JPT1: variants seen among roughly 807,000 people sequenced by gnomAD.
JPT1 encodes the protein androgen-regulated protein 2.
A neutral mutation model predicts 17.0 loss-of-function variants in JPT1; 5 were observed. The ratio of observed to expected loss-of-function variants is 0.29; its 90% confidence interval spans 0.15 to 0.62. The LOEUF (loss-of-function observed/expected upper bound fraction) is 0.62. JPT1 is among the 20% of genes least tolerant of loss of function. The pLI, the probability that JPT1 is intolerant of heterozygous loss-of-function variation, is 0.85. For missense variants in JPT1, 158 were observed against 188.1 expected (o/e 0.84, Z 0.94); for synonymous variants, 71 against 73.6 (o/e 0.96, Z 0.18).
At chr17:75,145,283 G>A (rs2074404516) in intron 4 of JPT1, 1 of 151,984 alleles carries the variant, frequency 6.6e-6, no homozygotes, top group Non-Finnish European at 1.5e-5. Flanking sequence ...CAAAACATAA[G>A]GGTAGGAAAA....
At chr17:75,136,924 T>C (rs1156347841) in intron 4 of JPT1, among the ~76,000 whole-genome samples, 1 of 152,246 alleles carries the variant, frequency 6.6e-6, no homozygotes, top group African/African-American at 2.4e-5. Context: ...TCCACTTGTT[T>C]TATGTATATT....
intron 1 of JPT1, among the ~76,000 whole-genome samples, chr17:75,150,110 A>G (rs1459928747): frequency 1.3e-5 from 2 of 152,132 alleles, no homozygotes; most frequent in Admixed American, 6.6e-5. Context: ...TCTGTTCAAC[A>G]TGGTAATATA....
intron 2 of JPT1, chr17:75,148,054 C>T (rs933266320): frequency 4.5e-6 from 1 of 224,254 alleles, no homozygotes; most frequent in Admixed American, 5.1e-5. Context: ...GTGTTAGTCT[C>T]ACATTATGAA....
intron 1 of JPT1, chr17:75,149,187 T>C (rs1293062054): frequency 4.2e-6 from 2 of 470,956 alleles, no homozygotes; most frequent in Admixed American, 2.8e-5. Flanking sequence ...CCCGTGTCTC[T>C]ATAAAAAAAA....
At chr17:75,141,952 C>T (rs2074319153) in intron 4 of JPT1, among the ~76,000 whole-genome samples, 1 of 151,816 alleles carries the variant, frequency 6.6e-6, no homozygotes, top group Non-Finnish European at 1.5e-5. Flanking sequence ...ACCTGTAGTC[C>T]CAGATACTCA....
intron 3 of JPT1, 146 bp from the exon 4 acceptor site, chr17:75,146,830 C>A: frequency 1.6e-6 from 1 of 627,908 alleles, no homozygotes; most frequent in South Asian, 1.9e-5. Context: ...CAGTCTGCTA[C>A]CTCTATCCAA....
intron 4 of JPT1, among the ~76,000 whole-genome samples, chr17:75,141,788 G>A (rs1220965578): frequency 4.6e-5 from 7 of 152,054 alleles, no homozygotes; most frequent in Non-Finnish European, 1.0e-4. Flanking sequence ...AATTAGTTGA[G>A]CGAGGCTGGG....
intron 1 of JPT1, among the ~76,000 whole-genome samples, chr17:75,151,663 AAAAT>A (rs1410713807): frequency 1.3e-5 from 2 of 151,904 alleles, no homozygotes; most frequent in South Asian, 2.1e-4. Flanking sequence ...CTGTCTCAAA[AAAAT>A]AAATTAATTA....
At position 75,146,361 on chromosome 17, in the gene JPT1, C is replaced by T. The variant is rs2074434991; in HGVS notation, c.316+305G>A. ...TAGAGACAGGGTTTCACCATGTTTCCAGGCTGGTCTTGAACTCCTGGGCTC... is the reference window on the plus strand; with the variant it reads ...TAGAGACAGGGTTTCACCATGTTTCTAGGCTGGTCTTGAACTCCTGGGCTC... On this transcript the variant is annotated intron_variant, in intron 4 of 4. Transcript: ENST00000409753. 4 of 265,394 alleles carry T rather than the reference C, an allele frequency of 1.5e-5. No individual in the cohort carries two copies. In the South Asian group the frequency reaches 2.4e-4, roughly 16 times the overall value. 16.4% of individuals were successfully genotyped at this position (265,394 alleles called of 1,614,324 possible).
intron 4 of JPT1, among the ~76,000 whole-genome samples, chr17:75,137,647 G>T (rs1005454473): frequency 2.0e-5 from 3 of 147,912 alleles, no homozygotes; most frequent in African/African-American, 7.7e-5. Context: ...GGGATCACAG[G>T]CATGAGCCAC....
intron 3 of JPT1, among the ~76,000 whole-genome samples, chr17:75,147,231 TCTC>T (rs1172816479): frequency 6.6e-6 from 1 of 152,134 alleles, no homozygotes; most frequent in Non-Finnish European, 1.5e-5. Context: ...CCAGCACTAG[TCTC>T]CTGGAGTTCA....
intron 4 of JPT1, chr17:75,145,695 T>C (rs1179449335): frequency 6.6e-6 from 1 of 152,190 alleles, no homozygotes; most frequent in Non-Finnish European, 1.5e-5. Context: ...ATCTTGTTCA[T>C]AGTTACAGAT....
chr17:75,153,696 A>AGGGGAAGAAC (rs1466681288), intron 1 of JPT1: 1 of 152,274 alleles, frequency 6.6e-6, no homozygotes, highest in African/African-American at 2.4e-5. Context: ...CACTTCGAAG[A>AGGGGAAGAAC]GGGGAAGAAC....
In JPT1 at chr17:75,154,415, T is replaced by A. The variant is rs754541342; in HGVS notation, c.-18A>T. 2.1e-5 allele frequency: 32 copies of A among 1,546,752 alleles called. No individual in the cohort carries two copies. In the South Asian group the frequency reaches 3.7e-4, roughly 18 times the overall value. On this transcript the variant is annotated 5_prime_UTR_variant, in exon 1 of 5. Transcript: ENST00000409753. ...GTGGTCATGGCGCCGAGGAGCGAGG[T>A]AGGCTGGCGCCGGAGCAGAACGCTC...
At chr17:75,151,643 C>T (rs1177091528) in intron 1 of JPT1, among the ~76,000 whole-genome samples, 1 of 148,760 alleles carries the variant, frequency 6.7e-6, no homozygotes, top group Admixed American at 6.7e-5. Context: ...AGCCTGGCAA[C>T]ACAGTGAGAC....
At position 75,154,421 on chromosome 17, in the gene JPT1, G is replaced by A. The variant is rs1236129152; in HGVS notation, c.-24C>T. 7.8e-6 allele frequency: 12 copies of A among 1,546,916 alleles called. No homozygotes were observed. The Admixed American group carries it at 7.9e-5, about 10-fold the overall frequency. On this transcript the variant is annotated 5_prime_UTR_variant, in exon 1 of 5. Transcript: ENST00000409753. Reference sequence around the variant, plus strand: ...ATGGCGCCGAGGAGCGAGGTAGGCTGGCGCCGGAGCAGAACGCTCAAAGGG... The same window carrying A: ...ATGGCGCCGAGGAGCGAGGTAGGCTAGCGCCGGAGCAGAACGCTCAAAGGG...
Position 75,135,375 on chromosome 17 carries a change from A to C in JPT1, c.*727T>G, listed in dbSNP as rs2074172514. The C allele has an allele frequency of 6.6e-6, 1 of 152,536 alleles. No individual in the cohort carries two copies. The highest frequency in any genetic ancestry group is 2.4e-5 in the African/African-American group (1 of 41,446). 9.4% of individuals were successfully genotyped at this position (152,536 alleles called of 1,614,324 possible). ...CATGCACACAGCATCAGGTTATTTA[A>C]AACAACACGCCTGTGGGACCCCGTT... is the stretch of plus-strand genomic sequence containing the variant. On this transcript the variant is annotated 3_prime_UTR_variant, in exon 5 of 5. Coordinates refer to ENST00000409753, the MANE Select transcript of JPT1 (RefSeq NM_016185.4).
At position 75,146,648 on chromosome 17, in the gene JPT1, G is replaced by C. The variant is rs1415973406; in HGVS notation, c.316+18C>G. On this transcript the variant is annotated intron_variant, in intron 4 of 4. Coordinates refer to ENST00000409753, the MANE Select transcript of JPT1 (RefSeq NM_016185.4). ...AACCATGGACAGAGCCAGAAATTTG[G>C]TCTTCAGAAGTACTTACCATGAATA... 3 of 1,531,614 alleles carry C rather than the reference G, an allele frequency of 2.0e-6. No homozygotes were observed. Among genetic ancestry groups the C allele is most frequent in the Non-Finnish European group, 2.7e-6 (3 of 1,127,556 alleles). 94.9% of individuals were successfully genotyped at this position (1,531,614 alleles called of 1,614,324 possible).
Position 75,136,267 on chromosome 17 carries a change from TAGAA to T in JPT1, c.317-21_317-18del. On this transcript the variant is annotated intron_variant, in intron 4 of 4. Coordinates refer to ENST00000409753, the MANE Select transcript of JPT1 (RefSeq NM_016185.4). ...CCACATTTTCTATGAAAACAGGGAA[TAGAA>T]ATAATACTCATAATGACAGCCATTT... The T allele has an allele frequency of 1.3e-6, 2 of 1,561,350 alleles. No individual in the cohort carries two copies. Among genetic ancestry groups the T allele is most frequent in the Non-Finnish European group, 1.7e-6 (2 of 1,152,100 alleles).
Sources: allele counts gnomAD v4.1 joint callset (sites outside exome capture counted in the v4.1 genomes callset), GRCh38; gene constraint gnomAD v4.1.1; transcripts MANE v1.5; gene names NCBI Gene and HGNC (gene_info 2026-07-23, HGNC 2026-07-21).